MARCHF1: variants seen among roughly 807,000 people sequenced by gnomAD.
MARCHF1 encodes E3 ubiquitin-protein ligase MARCHF1.
Under a neutral mutation model 54.2 loss-of-function variants are expected in MARCHF1, and 40 were observed. That is an observed-to-expected ratio of 0.74 (90% CI 0.57 to 0.96). The LOEUF (loss-of-function observed/expected upper bound fraction) is 0.96, where lower values mean the gene tolerates loss of function less well. Ranked by LOEUF, MARCHF1 falls within the 40% of genes least tolerant of loss-of-function variation. The pLI, the probability that MARCHF1 is intolerant of heterozygous loss-of-function variation, is 0.00. For synonymous variants in MARCHF1, 236 were observed against 236.3 expected (o/e 1.00, Z 0.01); for missense variants, 586 against 656.5 (o/e 0.89, Z 1.17).
At position 164,095,629 on chromosome 4, in the gene MARCHF1, A is replaced by G. The variant is rs116163799; in HGVS notation, c.-248+15959T>C. 4.4e-3 allele frequency among the ~76,000 whole-genome samples: 675 copies of G among 152,282 alleles called. 4 individuals carry two copies. The highest frequency in any genetic ancestry group is 7.9e-3 in the Non-Finnish European group (534 of 68,008). On this transcript the variant is annotated intron_variant, in intron 2 of 9. Transcript: ENST00000514618. The stretch of plus-strand genomic sequence containing the variant: ...AATCACTAATTATAGTTTCATTATG[A>G]ACTGTATCTGTTACTGTAAAAAAGT...
chr4:164,051,261 TTATAA>T (rs1468866089), intron 2 of MARCHF1, among the ~76,000 whole-genome samples: 2 of 152,206 alleles, frequency 1.3e-5, no homozygotes, highest in African/African-American at 2.4e-5. Flanking sequence ...GTTAGTAGAA[TTATAA>T]TATATCTACA....
chr4:164,208,097 T>A (rs140133452), intron 1 of MARCHF1, among the ~76,000 whole-genome samples: 162 of 152,220 alleles, frequency 1.1e-3, no homozygotes, highest in African/African-American at 3.6e-3. Context: ...TGTGTATGAA[T>A]CCCTGATGTC....
intron 1 of MARCHF1, among the ~76,000 whole-genome samples, chr4:164,287,879 G>C (rs1198414623): frequency 2.0e-5 from 3 of 152,090 alleles, no homozygotes; most frequent in Non-Finnish European, 4.4e-5. Context: ...GAAATAAAAT[G>C]TCTTAGATAT....
intron 3 of MARCHF1, among the ~76,000 whole-genome samples, chr4:163,872,952 G>A (rs1029821742): frequency 2.6e-5 from 4 of 152,052 alleles, no homozygotes; most frequent in Non-Finnish European, 5.9e-5. Flanking sequence ...GCTGAGGCAG[G>A]AGAATGGCGT....
At chr4:164,180,310 G>T (rs1278975922) in intron 1 of MARCHF1, among the ~76,000 whole-genome samples, 2 of 151,978 alleles carry the variant, frequency 1.3e-5, no homozygotes, top group Non-Finnish European at 2.9e-5. Flanking sequence ...AGAATTTTAT[G>T]TCACTTGAAC....
intron 3 of MARCHF1, among the ~76,000 whole-genome samples, chr4:163,888,626 G>T (rs753106084): frequency 3.3e-5 from 5 of 152,100 alleles, no homozygotes; most frequent in Non-Finnish European, 7.4e-5. Context: ...TTGCAGTGAG[G>T]TTTCCTATAT....
intron 2 of MARCHF1, among the ~76,000 whole-genome samples, chr4:164,058,061 G>A (rs1754532981): frequency 6.6e-6 from 1 of 151,940 alleles, no homozygotes; most frequent in African/African-American, 2.4e-5. Context: ...TCATAAGTGG[G>A]AGTTGAACAA....
At chr4:164,183,196 C>A (rs748635464) in intron 1 of MARCHF1, among the ~76,000 whole-genome samples, 9 of 152,106 alleles carry the variant, frequency 5.9e-5, no homozygotes, top group Non-Finnish European at 1.2e-4. Flanking sequence ...ATTAAAAACT[C>A]ACCTCAAATC....
intron 2 of MARCHF1, among the ~76,000 whole-genome samples, chr4:164,084,406 G>A (rs1053661564): frequency 4.0e-5 from 6 of 151,692 alleles, no homozygotes; most frequent in Non-Finnish European, 5.9e-5. Context: ...TTTAAATGAG[G>A]TATATTTTAG....
At chr4:164,028,480 CA>C (rs1433038425) in intron 2 of MARCHF1, among the ~76,000 whole-genome samples, 3 of 152,000 alleles carry the variant, frequency 2.0e-5, no homozygotes, top group African/African-American at 7.2e-5. Flanking sequence ...AACAGAAAAC[CA>C]AATACCACAT....
At chr4:164,291,870 C>T (rs1361611645) in intron 1 of MARCHF1, among the ~76,000 whole-genome samples, 1 of 152,034 alleles carries the variant, frequency 6.6e-6, no homozygotes, top group East Asian at 1.9e-4. Context: ...CTTAATGACT[C>T]AGAGGTGCTT....
At chr4:163,600,227 TAC>T (rs200073508) in intron 7 of MARCHF1, among the ~76,000 whole-genome samples, 6 of 151,560 alleles carry the variant, frequency 4.0e-5, no homozygotes, top group African/African-American at 7.3e-5. Flanking sequence ...ACACACACAC[TAC>T]ACACACACAC....
chr4:163,987,041 T>C (rs1345043831), intron 3 of MARCHF1, among the ~76,000 whole-genome samples: 1 of 152,242 alleles, frequency 6.6e-6, no homozygotes, highest in East Asian at 1.9e-4. Flanking sequence ...ATAACTTTTA[T>C]GAATCTTGCT....
chr4:164,171,022 C>A (rs532648389), intron 1 of MARCHF1, among the ~76,000 whole-genome samples: 30 of 151,748 alleles, frequency 2.0e-4, no homozygotes, highest in Non-Finnish European at 3.8e-4. Context: ...TTATGGAGAC[C>A]CCAAATTGGA....
In MARCHF1 at chr4:163,664,792, G is replaced by A. The variant is rs1450668032; in HGVS notation, c.162+36021C>T. Among the ~76,000 whole-genome samples the A allele has an allele frequency of 2.0e-5, 3 of 151,758 alleles. No homozygotes were observed. In the East Asian group the frequency reaches 5.8e-4, roughly 29 times the overall value. On this transcript the variant is annotated intron_variant, in intron 5 of 9. Coordinates refer to ENST00000514618, the MANE Select transcript of MARCHF1 (RefSeq NM_001394959.1). ...TTAAATTACTTTTTAATAACCATAG[G>A]CTACAATAAAGACATTCTATCAGCA...
chr4:164,043,076 C>G lies in MARCHF1; in HGVS notation c.-247-54367G>C, dbSNP rs187156448. Reference sequence around the variant, plus strand: ...CTGGCGTTGAGTGCCGGTGGCTTTTCCAGGCACATAGTGCAAGCTGTCAAT... The same window carrying G: ...CTGGCGTTGAGTGCCGGTGGCTTTTGCAGGCACATAGTGCAAGCTGTCAAT... On this transcript the variant is annotated intron_variant, in intron 2 of 9. Coordinates refer to ENST00000514618, the MANE Select transcript of MARCHF1 (RefSeq NM_001394959.1). Among the ~76,000 whole-genome samples the G allele has an allele frequency of 9.9e-4, 151 of 152,294 alleles. 1 individual carries two copies. Among genetic ancestry groups the G allele is most frequent in the African/African-American group, 3.4e-3 (143 of 41,560 alleles).
intron 1 of MARCHF1, among the ~76,000 whole-genome samples, chr4:164,121,653 G>A (rs1436045983): frequency 6.6e-6 from 1 of 151,988 alleles, no homozygotes; most frequent in African/African-American, 2.4e-5. Context: ...TGGGGCCACA[G>A]CCAAACCATA....
chr4:164,263,796 T>C (rs1478996696), intron 1 of MARCHF1, among the ~76,000 whole-genome samples: 1 of 152,098 alleles, frequency 6.6e-6, no homozygotes, highest in East Asian at 1.9e-4. Flanking sequence ...CATAATGAGA[T>C]ACCATCTCAC....
intron 8 of MARCHF1, among the ~76,000 whole-genome samples, chr4:163,563,638 C>T (rs1389298931): frequency 6.6e-6 from 1 of 152,166 alleles, no homozygotes; most frequent in Non-Finnish European, 1.5e-5. Flanking sequence ...AAACTGAGAC[C>T]TCAGAAGATT....
Sources: gnomAD v4.1 joint callset for allele counts (sites outside exome capture counted in the v4.1 genomes callset) on GRCh38, gnomAD v4.1.1 for gene constraint, MANE v1.5 for transcripts, NCBI Gene and HGNC (gene_info 2026-07-23, HGNC 2026-07-21) for gene names.